MACF1: variants seen among roughly 807,000 people sequenced by gnomAD.
The protein encoded by MACF1 is microtubule-actin cross-linking factor 1.
Under a neutral mutation model 854.8 loss-of-function variants are expected in MACF1, and 193 were observed. That is an observed-to-expected ratio of 0.23 (90% CI 0.20 to 0.25). The LOEUF is 0.25. Ranked by LOEUF, MACF1 falls within the 10% of genes least tolerant of loss-of-function variation. The pLI is 1.00. For missense variants in MACF1, 7,722 were observed against 8,929.1 expected, an observed-to-expected ratio of 0.86 and a Z score of 5.45; for synonymous variants, 3,185 against 3,226.7, an observed-to-expected ratio of 0.99 and a Z score of 0.44.
chr1:39,338,309 A>G (rs1646863319), intron 38 of MACF1, among the ~76,000 whole-genome samples: 1 of 151,920 alleles, frequency 6.6e-6, no homozygotes, highest in South Asian at 2.1e-4. Flanking sequence ...AGAGGAGAAA[A>G]CAGCAGTAAA....
intron 4 of MACF1, among the ~76,000 whole-genome samples, chr1:39,253,509 ATTTTTTT>A (rs34578005): frequency 1.1e-5 from 1 of 91,520 alleles, no homozygotes; most frequent in African/African-American, 4.3e-5. Context: ...AGCTATCTGT[ATTTTTTT>A]TTTTTTTTTT....
Position 39,287,269 on chromosome 1 carries a change from CTCT to C in MACF1, c.1509-11_1509-9del, listed in dbSNP as rs1645663916. ...ATAGATTTAAATCCTTTCCTTTTTT[CTCT>C]TCTTCCATTTCAGGGTCATGCGTCT... is the stretch of plus-strand genomic sequence containing the variant. On this transcript the variant is annotated splice_polypyrimidine_tract_variant and intron_variant, in intron 14 of 100. Coordinates refer to ENST00000564288, the MANE Select transcript of MACF1 (RefSeq NM_001394062.1). The C allele has an allele frequency of 1.9e-6, 3 of 1,599,142 alleles. No individual in the cohort carries two copies. The highest frequency in any genetic ancestry group is 2.2e-5 in the South Asian group (2 of 89,228).
intron 99 of MACF1, among the ~76,000 whole-genome samples, chr1:39,482,444 T>C (rs1346105702): frequency 6.6e-6 from 1 of 152,250 alleles, no homozygotes; most frequent in East Asian, 1.9e-4. Context: ...ATTTACATAA[T>C]TGATTTCAAA....
chr1:39,320,481 A>G (rs1646493498), intron 31 of MACF1, among the ~76,000 whole-genome samples: 1 of 152,206 alleles, frequency 6.6e-6, no homozygotes, highest in Non-Finnish European at 1.5e-5. Context: ...TTCCAATTTG[A>G]AAGACTAAAA....
At chr1:39,321,325 G>A (rs1419699238) in intron 31 of MACF1, among the ~76,000 whole-genome samples, 2 of 152,212 alleles carry the variant, frequency 1.3e-5, no homozygotes, top group African/African-American at 4.8e-5. Context: ...ATGAGATAAT[G>A]TATACATAGG....
intron 99 of MACF1, 71 bp downstream of exon 99, chr1:39,481,101 TCTTC>T: frequency 1.1e-6 from 1 of 886,700 alleles, no homozygotes; most frequent in South Asian, 1.5e-5. Context: ...GACCAGCTCT[TCTTC>T]CTGACACGAA....
chr1:39,327,939 T>C (rs1646646717), intron 36 of MACF1, among the ~76,000 whole-genome samples: 1 of 152,144 alleles, frequency 6.6e-6, no homozygotes, highest in Non-Finnish European at 1.5e-5. Context: ...CCTAAGTTCT[T>C]CCTGGATACT....
intron 98 of MACF1, 113 bp downstream of exon 98, chr1:39,480,122 CAT>C: frequency 1.6e-6 from 1 of 614,238 alleles, no homozygotes. Context: ...AAAATGAAAA[CAT>C]GTTTTCTATT....
intron 2 of MACF1, among the ~76,000 whole-genome samples, chr1:39,086,814 G>A (rs541237557): frequency 5.4e-4 from 82 of 152,296 alleles, no homozygotes; most frequent in African/African-American, 1.8e-3. Flanking sequence ...TGGGTGCTGC[G>A]CTGTGCTGTG....
rs145679821 is a variant in MACF1, at chr1:39,102,931, T to G, written c.220+18493T>G. On this transcript the variant is annotated intron_variant, in intron 2 of 93. Coordinates refer to the MACF1 transcript ENST00000361689. ...CCATCCCCCCTGGCAGCCGCTTTGT[T>G]CCTCTAGCCTTGTAAAATTTTCTCT... is the stretch of plus-strand genomic sequence containing the variant. 132 of 701,958 alleles carry G rather than the reference T, an allele frequency of 1.9e-4. No homozygotes were observed. The African/African-American group carries it at 2.1e-3, about 11-fold the overall frequency. The allele number at this position is 701,958 out of a possible 1,614,324, so 43.5% of individuals were successfully genotyped here.
chr1:39,268,210 C>T (rs768865085), intron 6 of MACF1, among the ~76,000 whole-genome samples: 34 of 152,076 alleles, frequency 2.2e-4, no homozygotes, highest in Non-Finnish European at 4.1e-4. Flanking sequence ...GTACTATTCT[C>T]CTCCTCCTTC....
At chr1:39,166,474 G>A (rs974201751) in intron 2 of MACF1, among the ~76,000 whole-genome samples, 2 of 149,948 alleles carry the variant, frequency 1.3e-5, no homozygotes, top group African/African-American at 2.5e-5. Context: ...TCATTCATTC[G>A]AGATGGAATT....
chr1:39,442,445 C>A lies in MACF1; in HGVS notation c.18982C>A (p.Gln6328Lys). 1 of 1,614,180 alleles carries A rather than the reference C, an allele frequency of 6.2e-7. No individual in the cohort carries two copies. The highest frequency in any genetic ancestry group is 1.1e-5 in the South Asian group (1 of 91,062). ...KLEGALLALGQFQHALEELMS... is the reference protein window; with the variant it reads ...KLEGALLALGKFQHALEELMS... ...AGAAGGGGCTCTGTTGGCCCTTGGT[C>A]AGTTCCAGCATGCCTTAGAGGAACT... The change falls in exon 77 of 101, where the codon CAG (glutamine) becomes AAG (lysine). Residue 6328 changes from glutamine to lysine, a missense_variant. Coordinates refer to ENST00000564288, the MANE Select transcript of MACF1 (RefSeq NM_001394062.1).
intron 2 of MACF1, among the ~76,000 whole-genome samples, chr1:39,110,583 G>A (rs1642378256): frequency 1.3e-5 from 2 of 152,168 alleles, no homozygotes; most frequent in African/African-American, 2.4e-5. Context: ...TCCTAGAGTT[G>A]GAGTGGATAG....
chr1:39,351,787 C>T (rs1183652631), intron 43 of MACF1, among the ~76,000 whole-genome samples: 1 of 151,862 alleles, frequency 6.6e-6, no homozygotes, highest in Non-Finnish European at 1.5e-5. Context: ...GGGGTTTCAC[C>T]ATGTGGACCC....
At chr1:39,297,785 G>T (rs1322160356) in intron 21 of MACF1, 40 bp downstream of exon 21, 1 of 1,610,428 alleles carries the variant, frequency 6.2e-7, no homozygotes, top group Non-Finnish European at 8.5e-7. Context: ...TTCTGAGAAA[G>T]AGAGTAAACC....
At chr1:39,423,999 G>T in intron 60 of MACF1, 29 bp from the exon 61 acceptor site, 3 of 1,570,002 alleles carry the variant, frequency 1.9e-6, no homozygotes, top group African/African-American at 1.4e-5. Flanking sequence ...ATGATCCTGT[G>T]TTACAGCTTT....
chr1:39,304,206 C>T (rs1276086050), intron 23 of MACF1: 9 of 160,866 alleles, frequency 5.6e-5, no homozygotes, highest in Non-Finnish European at 8.9e-5. Flanking sequence ...CAACAGGCCC[C>T]GGTGTGTGAT....
chr1:39,293,584 A>C lies in MACF1; in HGVS notation c.2119A>C (p.Asn707His), dbSNP rs759745824. 14 of 1,613,544 alleles carry C rather than the reference A, an allele frequency of 8.7e-6. No individual in the cohort carries two copies. The Admixed American group carries it at 1.2e-4, about 13-fold the overall frequency. ...ACTAGCATATGACTGGAGTGACAACAATTCCAATATCTCAGCCAAGAGAAA... is the reference window on the plus strand; with the variant it reads ...ACTAGCATATGACTGGAGTGACAACCATTCCAATATCTCAGCCAAGAGAAA... ...EELAYDWSDN[N>H]SNISAKRNYF... is the part of the protein sequence containing the mutation. Residue 707 changes from asparagine to histidine, a missense_variant, in exon 18 of 101, where the codon AAT becomes CAT. Asn to His is a moderately conservative substitution (Grantham distance 68). This residue lies in a region of MACF1 where 1,137 missense variants were observed against 1,263.0 expected (regional missense o/e 0.90). Transcript: ENST00000564288.
Sources: allele counts gnomAD v4.1 joint callset (sites outside exome capture counted in the v4.1 genomes callset), GRCh38; gene constraint gnomAD v4.1.1; regional missense constraint gnomAD v4.1.1; transcripts MANE v1.5; gene names NCBI Gene and HGNC (gene_info 2026-07-23, HGNC 2026-07-21).